STAG1: variants seen among roughly 807,000 people sequenced by gnomAD.
The protein encoded by STAG1 is STAG1 cohesin complex component.
STAG1 carries 26 observed loss-of-function variants against 170.9 expected under a neutral mutation model. The ratio of observed to expected loss-of-function variants is 0.15; its 90% CI spans 0.11 to 0.21. STAG1 has a LOEUF of 0.21. Ranked by LOEUF, STAG1 falls within the 10% of genes least tolerant of loss-of-function variation. STAG1 has a pLI of 1.00. For missense variants in STAG1, 964 were observed against 1,509.5 expected, an observed-to-expected ratio of 0.64 and a Z score of 5.99; for synonymous variants, 514 against 497.7, an observed-to-expected ratio of 1.03 and a Z score of -0.44.
intron 1 of STAG1, among the ~76,000 whole-genome samples, chr3:136,685,606 A>T (rs538522043): frequency 6.6e-6 from 1 of 152,350 alleles, no homozygotes; most frequent in East Asian, 1.9e-4. Flanking sequence ...AAACTGTGCT[A>T]AAAGAAATGA....
At chr3:136,440,085 G>A (rs1175561963) in intron 15 of STAG1, among the ~76,000 whole-genome samples, 1 of 152,156 alleles carries the variant, frequency 6.6e-6, no homozygotes, top group Non-Finnish European at 1.5e-5. Context: ...TAACATGAGA[G>A]AAAGTTAACA....
At chr3:136,691,055 T>C (rs1942704805) in intron 1 of STAG1, among the ~76,000 whole-genome samples, 3 of 151,728 alleles carry the variant, frequency 2.0e-5, no homozygotes, top group South Asian at 4.2e-4. Context: ...CCCAACACTC[T>C]GGAAAGCCAA....
At chr3:136,401,626 GT>G (rs970589699) in intron 21 of STAG1, among the ~76,000 whole-genome samples, 1 of 151,060 alleles carries the variant, frequency 6.6e-6, no homozygotes, top group African/African-American at 2.4e-5. Context: ...CACCTTTTCA[GT>G]TTTTTTTTGA....
At chr3:136,447,619 T>G (rs2088820804) in intron 14 of STAG1, among the ~76,000 whole-genome samples, 1 of 135,682 alleles carries the variant, frequency 7.4e-6, no homozygotes, top group African/African-American at 2.7e-5. Flanking sequence ...TTTTTTTTTT[T>G]TTTTTGAGAC....
In STAG1 at chr3:136,479,667, T is replaced by C. The variant is rs1278771267; in HGVS notation, c.903-2255A>G. On this transcript the variant is annotated intron_variant, in intron 9 of 33. Coordinates refer to ENST00000383202, the MANE Select transcript of STAG1 (RefSeq NM_005862.3). ...GGAATCGCCACACTGACTTCCACAA[T>C]GGTTGAACTAGTTTACAGTCCCACC... 4.5e-5 allele frequency among the ~76,000 whole-genome samples: 2 copies of C among 44,792 alleles called. 1 individual carries two copies. The highest frequency in any genetic ancestry group is 1.4e-4 in the African/African-American group (2 of 14,008). 29.4% of individuals were successfully genotyped at this position (44,792 alleles called of 152,430 possible).
At chr3:136,339,886 A>G (rs1324129570) in intron 32 of STAG1, among the ~76,000 whole-genome samples, 3 of 152,218 alleles carry the variant, frequency 2.0e-5, no homozygotes, top group Non-Finnish European at 1.5e-5. Context: ...GCATTTTGTT[A>G]TGCTGAAGCA....
At chr3:136,461,598 A>G (rs2089275782) in intron 13 of STAG1, among the ~76,000 whole-genome samples, 1 of 152,040 alleles carries the variant, frequency 6.6e-6, no homozygotes, top group Admixed American at 6.5e-5. Context: ...TTGAAAAAAA[A>G]AAAAAAAGAG....
At chr3:136,508,988 A>G (rs1375591415) in intron 7 of STAG1, among the ~76,000 whole-genome samples, 1 of 152,266 alleles carries the variant, frequency 6.6e-6, no homozygotes, top group Non-Finnish European at 1.5e-5. Flanking sequence ...AGGGTTCCTA[A>G]AAGATGGGAG....
At chr3:136,618,569 TCTCA>T (rs1369596968) in intron 3 of STAG1, among the ~76,000 whole-genome samples, 28 of 152,166 alleles carry the variant, frequency 1.8e-4, no homozygotes, top group African/African-American at 5.6e-4. Context: ...AAGTGCTGGT[TCTCA>T]CTAAGAGAAA....
In STAG1 at chr3:136,623,156, C is replaced by A. The variant is rs1425347518; in HGVS notation, c.122G>T (p.Gly41Val). ...AAGCATAATACATACTGGAGGCCGG[C>A]CAGGACGACCCCTTTTTCTTTTTCC... is the stretch of plus-strand genomic sequence containing the variant. ...VKGKRKRGRP[G>V]RPPSTNKKPR... Residue 41 changes from glycine to valine, a missense_variant, in exon 3 of 34, where the codon GGC (glycine) becomes GTC (valine). By Grantham distance (109) the Gly-to-Val change is moderately radical (BLOSUM62 -3). Coordinates refer to ENST00000383202, the MANE Select transcript of STAG1 (RefSeq NM_005862.3). 6.2e-7 allele frequency: 1 copy of A among 1,613,276 alleles called. No homozygotes were observed. The highest frequency in any genetic ancestry group is 8.5e-7 in the Non-Finnish European group (1 of 1,179,508).
At chr3:136,576,850 GCA>G (rs2107772968) in intron 4 of STAG1, among the ~76,000 whole-genome samples, 1 of 152,298 alleles carries the variant, frequency 6.6e-6, no homozygotes, top group East Asian at 1.9e-4. Flanking sequence ...GCAGACAAGG[GCA>G]CAGAGAATTC....
At chr3:136,370,868 A>G (rs1405218439) in intron 23 of STAG1, among the ~76,000 whole-genome samples, 1 of 152,212 alleles carries the variant, frequency 6.6e-6, no homozygotes, top group Non-Finnish European at 1.5e-5. Context: ...TCCTTTGGGT[A>G]TATACCCAGT....
chr3:136,360,871 T>TGTTA lies in STAG1; in HGVS notation c.2788-1579_2788-1576dup, dbSNP rs754956332. Among the ~76,000 whole-genome samples, 5 of 152,130 alleles carry TGTTA rather than the reference T, an allele frequency of 3.3e-5. No homozygotes were observed. The East Asian group carries it at 9.6e-4, about 29-fold the overall frequency. ...TTTTAGTAGAGAGGGGGTTTCACCA[T>TGTTA]GTTAGCCAGGATGGTCTCGATCTCC... On this transcript the variant is annotated intron_variant, in intron 26 of 33. Transcript: ENST00000383202.
At chr3:136,415,325 A>AAAAAC (rs57433565) in intron 21 of STAG1, among the ~76,000 whole-genome samples, 117,899 of 151,294 alleles carry the variant, frequency 0.78, 45,990 homozygotes, top group East Asian at 0.86. Flanking sequence ...AAAAAAAACA[A>AAAAAC]AAGACAAACA....
chr3:136,456,784 A>G (rs1038631470), intron 13 of STAG1, among the ~76,000 whole-genome samples: 14 of 152,238 alleles, frequency 9.2e-5, no homozygotes, highest in Admixed American at 3.9e-4. Context: ...ATCATATTCA[A>G]TGGAGCTCCT....
chr3:136,425,854 T>A (rs915223239), intron 16 of STAG1, among the ~76,000 whole-genome samples: 1 of 151,580 alleles, frequency 6.6e-6, no homozygotes, highest in Non-Finnish European at 1.5e-5. Context: ...TTATCACTAG[T>A]CAAAGTTGGG....
chr3:136,367,129 C>T (rs200950632), intron 24 of STAG1, 47 bp from the exon 25 acceptor site: 42 of 1,453,046 alleles, frequency 2.9e-5, no homozygotes, highest in Middle Eastern at 4.0e-4. Flanking sequence ...ACTTTATCCA[C>T]GTAAAACAAT....
chr3:136,459,110 C>T (rs990069648), intron 13 of STAG1, among the ~76,000 whole-genome samples: 1 of 151,364 alleles, frequency 6.6e-6, no homozygotes. Context: ...CCCAGCTACT[C>T]GGGAGGCTGA....
At chr3:136,506,645 C>CAAAAAAAAAAAAA (rs1248797469) in intron 7 of STAG1, among the ~76,000 whole-genome samples, 1 of 46,532 alleles carries the variant, frequency 2.1e-5, no homozygotes, top group African/African-American at 7.8e-5. Flanking sequence ...GACTCCACCT[C>CAAAAAAAAAAAAA]AAAAAAAAAA....
Sources: allele counts gnomAD v4.1 joint callset (sites outside exome capture counted in the v4.1 genomes callset), GRCh38; gene constraint gnomAD v4.1.1; transcripts MANE v1.5; gene names NCBI Gene and HGNC (gene_info 2026-07-23, HGNC 2026-07-21).